The following SOS2 variants were observed in gnomAD, a reference collection of about 807,000 sequenced individuals.
The protein encoded by SOS2 is son of sevenless homolog 2.
A neutral mutation model predicts 148.2 loss-of-function variants in SOS2; 65 were observed. The observed-to-expected ratio is 0.44, with a 90% CI of 0.36 to 0.54. The LOEUF (loss-of-function observed/expected upper bound fraction) is 0.54. Among genes scored for constraint, SOS2 ranks in the 20% least tolerant of loss-of-function variants. The pLI, the probability that SOS2 is intolerant of heterozygous loss-of-function variation, is 0.00. For missense variants in SOS2, 1,341 were observed against 1,590.2 expected (o/e 0.84, Z 2.67); for synonymous variants, 539 against 537.1 (o/e 1.00, Z -0.05).
chr14:50,118,936 G>T, intron 22 of SOS2, 83 bp from the exon 23 acceptor site: 1 of 870,370 alleles, frequency 1.1e-6, no homozygotes, highest in Non-Finnish European at 1.6e-6. Context: ...ATTCTTACTT[G>T]TCAAGTTAAA....
intron 16 of SOS2, among the ~76,000 whole-genome samples, chr14:50,143,823 ATT>A (rs35436971): frequency 3.7e-5 from 5 of 134,528 alleles, no homozygotes; most frequent in Non-Finnish European, 3.2e-5. Flanking sequence ...ATGCCTGGCT[ATT>A]TTTTTTTTTT....
intron 7 of SOS2, among the ~76,000 whole-genome samples, chr14:50,180,098 G>A (rs1048936251): frequency 3.3e-5 from 5 of 151,384 alleles, no homozygotes; most frequent in South Asian, 2.1e-4. Flanking sequence ...TCCGCCTTCC[G>A]GGTCAAGTGA....
At chr14:50,134,368 G>A in intron 18 of SOS2, 129 bp from the exon 19 acceptor site, 1 of 550,856 alleles carries the variant, frequency 1.8e-6, no homozygotes, top group Non-Finnish European at 3.2e-6. Context: ...CACATTAAGA[G>A]CCCACAATAT....
intron 7 of SOS2, among the ~76,000 whole-genome samples, chr14:50,177,003 C>A (rs1322440640): frequency 6.6e-6 from 1 of 152,164 alleles, no homozygotes; most frequent in Non-Finnish European, 1.5e-5. Flanking sequence ...GAGCGAGATT[C>A]CGCCGCAAAC....
At chr14:50,197,742 G>A (rs1886358969) in intron 4 of SOS2, among the ~76,000 whole-genome samples, 1 of 143,454 alleles carries the variant, frequency 7.0e-6, no homozygotes, top group African/African-American at 2.6e-5. Flanking sequence ...AGGCTGCAAT[G>A]CAGTGGTGCA....
intron 8 of SOS2, among the ~76,000 whole-genome samples, chr14:50,163,223 T>A (rs955601375): frequency 6.6e-6 from 1 of 151,130 alleles, no homozygotes; most frequent in Middle Eastern, 3.2e-3. Flanking sequence ...TATGCAAGGA[T>A]ATGGGGAATT....
chr14:50,218,870 G>A (rs935775118), intron 1 of SOS2, among the ~76,000 whole-genome samples: 1 of 151,862 alleles, frequency 6.6e-6, no homozygotes, highest in Non-Finnish European at 1.5e-5. Flanking sequence ...ATCCCAGCAC[G>A]TTGGGAGGCC....
At chr14:50,225,025 A>G (rs774795555) in intron 1 of SOS2, among the ~76,000 whole-genome samples, 4 of 152,190 alleles carry the variant, frequency 2.6e-5, no homozygotes, top group South Asian at 2.1e-4. Flanking sequence ...TATTATTTTC[A>G]TCTTGTTGCT....
intron 21 of SOS2, among the ~76,000 whole-genome samples, chr14:50,126,213 CAA>C (rs1024279586): frequency 7.2e-5 from 11 of 152,096 alleles, no homozygotes; most frequent in African/African-American, 2.7e-4. Flanking sequence ...ACACTAGAAA[CAA>C]AACAAATTTT....
chr14:50,204,995 T>A (rs1886615370), intron 1 of SOS2, among the ~76,000 whole-genome samples: 1 of 152,178 alleles, frequency 6.6e-6, no homozygotes, highest in Non-Finnish European at 1.5e-5. Context: ...TCTGACTGGA[T>A]ATAAGAAATA....
chr14:50,214,936 C>T (rs753604569), intron 1 of SOS2, among the ~76,000 whole-genome samples: 13 of 151,302 alleles, frequency 8.6e-5, no homozygotes, highest in African/African-American at 2.9e-4. Context: ...CCCGGGTTCA[C>T]GCCATTCTCC....
chr14:50,135,952 CTTTA>C (rs1361443712), intron 18 of SOS2, among the ~76,000 whole-genome samples: 1 of 151,810 alleles, frequency 6.6e-6, no homozygotes, highest in African/African-American at 2.4e-5. Flanking sequence ...CTGGATTTAG[CTTTA>C]TTTAATTTTG....
intron 7 of SOS2, among the ~76,000 whole-genome samples, chr14:50,178,614 C>T (rs1224108727): frequency 1.3e-5 from 2 of 148,788 alleles, no homozygotes; most frequent in East Asian, 3.9e-4. Flanking sequence ...TCTGTAGTAG[C>T]TAGAACTACA....
chr14:50,154,336 AG>A (rs1884750399), intron 12 of SOS2, among the ~76,000 whole-genome samples: 1 of 152,218 alleles, frequency 6.6e-6, no homozygotes, highest in South Asian at 2.1e-4. Flanking sequence ...AGTATGGCTA[AG>A]GCACAAAGAC....
chr14:50,199,852 C>G lies in SOS2; in HGVS notation c.349G>C (p.Val117Leu). 1.3e-6 allele frequency: 2 copies of G among 1,554,148 alleles called. No individual in the cohort carries two copies. The highest frequency in any genetic ancestry group is 1.8e-6 in the Non-Finnish European group (2 of 1,141,730). Residue 117 changes from valine to leucine, a missense_variant, in exon 4 of 23, where the codon GTA becomes CTA. Val to Leu is a conservative substitution (Grantham distance 32). Coordinates refer to ENST00000216373, the MANE Select transcript of SOS2 (RefSeq NM_006939.4). Reference protein sequence around the residue: ...VDKIHPSLKEVLGYKVDYHVS... With the variant: ...VDKIHPSLKELLGYKVDYHVS... ...TGGTAGTCCACTTTGTACCCTAATA[C>G]TTCCTGTGAAAAGAATAAATAATTT...
intron 21 of SOS2, among the ~76,000 whole-genome samples, chr14:50,129,271 T>C (rs1433634203): frequency 1.3e-5 from 2 of 149,370 alleles, no homozygotes; most frequent in African/African-American, 5.2e-5. Flanking sequence ...TTTACTATAT[T>C]ATTGCCATGG....
Position 50,118,521 on chromosome 14 carries a change from G to C in SOS2, c.3822C>G (p.Cys1274Trp). The stretch of plus-strand genomic sequence containing the variant: ...TATTCTGACTAGAACTGAGCACATA[G>C]CATCGACGCGGTACCCTTGGAGAGG... ...STPSPRVPRR[C>W]YVLSSSQNNL... The change falls in exon 23 of 23, where the codon TGC (cysteine) becomes TGG (tryptophan). Residue 1274 changes from cysteine (C) to tryptophan (W), a missense_variant. Physicochemically the swap from Cys to Trp is radical, Grantham distance 215. This residue lies in a region of SOS2 where 354 missense variants were observed against 347.7 expected (regional missense o/e 1.02). Transcript: ENST00000216373. The C allele has an allele frequency of 6.2e-7, 1 of 1,614,160 alleles. No homozygotes were observed. The highest frequency in any genetic ancestry group is 2.2e-5 in the East Asian group (1 of 44,886).
chr14:50,179,368 TAAAAGC>T (rs1313633465), intron 7 of SOS2, among the ~76,000 whole-genome samples: 4 of 152,094 alleles, frequency 2.6e-5, no homozygotes, highest in African/African-American at 7.2e-5. Context: ...CGTCAAGGGG[TAAAAGC>T]CAGTTTATTT....
In SOS2 at chr14:50,180,622, C is replaced by A; in HGVS notation, c.919G>T (p.Glu307Ter). ...CTGGCCATCAATTTATTGAAATGTT[C>A]ATGAAACTCTGGTGAAAGAATGTCC... The part of the protein sequence containing the change: ...SQDILSPEFH[E>*]HFNKLMARPA... Residue 307 changes from glutamate to a stop codon, truncating the protein, a stop_gained, in exon 7 of 23, where the codon GAA becomes TAA. Coordinates refer to ENST00000216373, the MANE Select transcript of SOS2 (RefSeq NM_006939.4). LOFTEE classifies it high-confidence loss of function. 1 of 1,599,324 alleles carries A rather than the reference C, an allele frequency of 6.3e-7. No homozygotes were observed. The highest frequency in any genetic ancestry group is 1.1e-5 in the South Asian group (1 of 89,192).
Sources: gnomAD v4.1 joint callset for allele counts (sites outside exome capture counted in the v4.1 genomes callset) on GRCh38, gnomAD v4.1.1 for gene constraint, gnomAD v4.1.1 regional missense constraint, MANE v1.5 for transcripts, NCBI Gene and HGNC (gene_info 2026-07-23, HGNC 2026-07-21) for gene names.